The following FDCSP variants were observed in gnomAD, a reference collection of about 807,000 sequenced individuals.
FDCSP encodes the protein follicular dendritic cell secreted peptide.
Under a neutral mutation model 8.9 loss-of-function variants are expected in FDCSP, and 8 were observed. That is an observed-to-expected ratio of 0.90 (90% CI 0.53 to 1.63). The LOEUF is 1.63. Ranked by LOEUF, FDCSP falls within the 40% of genes most tolerant of loss-of-function variation. The pLI, the probability that FDCSP is intolerant of heterozygous loss-of-function variation, is 0.00. For missense variants in FDCSP, 101 were observed against 103.6 expected (o/e 0.98, Z 0.11); for synonymous variants, 34 against 34.5 (o/e 0.98, Z 0.06).
Position 70,235,139 on chromosome 4 carries a change from T to G in FDCSP, c.*83T>G, listed in dbSNP as rs1003927845. The G allele has an allele frequency of 6.6e-6, 1 of 151,786 alleles. No homozygotes were observed. Among genetic ancestry groups the G allele is most frequent in the Non-Finnish European group, 1.5e-5 (1 of 67,836 alleles). The allele number at this position is 151,786 out of a possible 1,614,324, so 9.4% of individuals were successfully genotyped here. On this transcript the variant is annotated 3_prime_UTR_variant, in exon 5 of 5. Coordinates refer to ENST00000317987, the MANE Select transcript of FDCSP (RefSeq NM_152997.4). Reference sequence around the variant, plus strand: ...CTTGAAGAATCAAAATTCCTGTTAATAAAAGAAAAACAAATGTAATTGAAA... The same window carrying G: ...CTTGAAGAATCAAAATTCCTGTTAAGAAAAGAAAAACAAATGTAATTGAAA...
chr4:70,234,450 G>A (rs1420098100), intron 4 of FDCSP, among the ~76,000 whole-genome samples: 1 of 151,552 alleles, frequency 6.6e-6, no homozygotes, highest in African/African-American at 2.4e-5. Context: ...TGATGTAACA[G>A]AAACAATTTC....
intron 3 of FDCSP, 115 bp downstream of exon 3, chr4:70,233,141 G>A (rs1459705337): frequency 1.1e-6 from 1 of 899,420 alleles, no homozygotes; most frequent in Non-Finnish European, 1.7e-6. Context: ...TTCATAAAGA[G>A]CTTTTGGTAT....
chr4:70,234,279 AG>A (rs1730137256), intron 4 of FDCSP, 64 bp downstream of exon 4: 1 of 1,359,082 alleles, frequency 7.4e-7, no homozygotes, highest in Non-Finnish European at 9.9e-7. Flanking sequence ...CATAATTTCA[AG>A]GAAAAAAAAA....
chr4:70,226,546 G>A (rs988813618), intron 1 of FDCSP, among the ~76,000 whole-genome samples: 4 of 151,706 alleles, frequency 2.6e-5, no homozygotes, highest in Non-Finnish European at 2.9e-5. Context: ...GAGGGAATAC[G>A]CCCCGCCAGA....
At chr4:70,230,888 A>G (rs1039686474) in intron 1 of FDCSP, among the ~76,000 whole-genome samples, 1 of 151,752 alleles carries the variant, frequency 6.6e-6, no homozygotes, top group African/African-American at 2.4e-5. Context: ...TCAGGGATAC[A>G]TGTGTAGGTT....
intron 1 of FDCSP, among the ~76,000 whole-genome samples, chr4:70,228,212 T>C (rs1319858336): frequency 6.6e-6 from 1 of 151,868 alleles, no homozygotes; most frequent in Non-Finnish European, 1.5e-5. Context: ...TCATTTACTG[T>C]CATTTGAAAA....
intron 2 of FDCSP, among the ~76,000 whole-genome samples, chr4:70,231,864 G>A (rs767452211): frequency 5.3e-5 from 8 of 151,638 alleles, no homozygotes; most frequent in East Asian, 1.9e-4. Context: ...GAAAAGATGG[G>A]GAGGTGGAAA....
In FDCSP at chr4:70,228,180, T is replaced by A. The variant is rs1730020846; in HGVS notation, c.-1+1998T>A. Among the ~76,000 whole-genome samples the A allele has an allele frequency of 3.9e-5, 6 of 151,958 alleles. No individual in the cohort carries two copies. In the South Asian group the frequency reaches 1.2e-3, roughly 32 times the overall value. ...CAAACCCTGCCACTGCTTTATCAAT[T>A]AAGTTTATGTAGTATTTTAAATCAT... On this transcript the variant is annotated intron_variant, in intron 1 of 4. Coordinates refer to ENST00000317987, the MANE Select transcript of FDCSP (RefSeq NM_152997.4).
intron 3 of FDCSP, 28 bp from the exon 4 acceptor site, chr4:70,233,992 A>G (rs537661564): frequency 6.4e-7 from 1 of 1,560,378 alleles, no homozygotes; most frequent in Non-Finnish European, 8.6e-7. Context: ...AAAGTGAAAT[A>G]AACCCTTTAA....
At chr4:70,234,914 T>C (rs2109687750) in intron 4 of FDCSP, among the ~76,000 whole-genome samples, 171 bp from the exon 5 acceptor site, 1 of 151,596 alleles carries the variant, frequency 6.6e-6, no homozygotes, top group Non-Finnish European at 1.5e-5. Context: ...CAGCTACTAC[T>C]TACCACTAAA....
intron 4 of FDCSP, among the ~76,000 whole-genome samples, chr4:70,234,842 T>C (rs1021295049): frequency 6.6e-6 from 1 of 150,532 alleles, no homozygotes; most frequent in South Asian, 2.1e-4. Context: ...TTAATATATA[T>C]AATTTAATCT....
rs576211510 is a variant in FDCSP, at chr4:70,233,012, C to T, written c.76C>T (p.Arg26Ter). The T allele has an allele frequency of 1.6e-5, 26 of 1,591,500 alleles. No homozygotes were observed. The highest frequency in any genetic ancestry group is 8.1e-5 in the South Asian group (7 of 86,416). ...VGFPVSQDQE[R>*]EKRSISDSDE... is the part of the protein sequence containing the mutation. The stretch of plus-strand genomic sequence containing the variant: ...TCTTTAGGTCTCTCAAGACCAGGAA[C>T]GAGAAAAAAGAAGTGTAAGTTACCT... Residue 26 changes from arginine (R) to a stop codon, truncating the protein, a stop_gained, in exon 3 of 5, where the codon CGA (arginine) becomes TGA (stop). Transcript: ENST00000317987. LOFTEE classifies it high-confidence loss of function.
At chr4:70,231,036 C>A (rs1730070283) in intron 1 of FDCSP, among the ~76,000 whole-genome samples, 159 bp from the exon 2 acceptor site, 1 of 151,568 alleles carries the variant, frequency 6.6e-6, no homozygotes, top group African/African-American at 2.4e-5. Context: ...AGATTGATTC[C>A]CTAAGATTGT....
chr4:70,228,539 T>C (rs1460187341), intron 1 of FDCSP, among the ~76,000 whole-genome samples: 1 of 151,816 alleles, frequency 6.6e-6, no homozygotes, highest in Non-Finnish European at 1.5e-5. Context: ...TCTGGAGTGG[T>C]GTATATTTTA....
intron 1 of FDCSP, among the ~76,000 whole-genome samples, chr4:70,228,550 C>G (rs1219749664): frequency 6.6e-6 from 1 of 151,754 alleles, no homozygotes; most frequent in East Asian, 1.9e-4. Context: ...GTATATTTTA[C>G]AGAAGGTTTT....
intron 4 of FDCSP, 66 bp downstream of exon 4, chr4:70,234,281 G>T: frequency 7.6e-7 from 1 of 1,319,348 alleles, no homozygotes. Flanking sequence ...TAATTTCAAG[G>T]AAAAAAAAAT....
In FDCSP at chr4:70,234,233, C is replaced by A; in HGVS notation, c.*28+18C>A. ...TAAACCTGGTAAGTACACATAGTTA[C>A]AATCATAGTTTATTTTAAGTTTGCA... On this transcript the variant is annotated intron_variant, in intron 4 of 4. Coordinates refer to ENST00000317987, the MANE Select transcript of FDCSP (RefSeq NM_152997.4). 6.7e-7 allele frequency: 1 copy of A among 1,486,468 alleles called. No individual in the cohort carries two copies. Among genetic ancestry groups the A allele is most frequent in the Non-Finnish European group, 9.0e-7 (1 of 1,108,544 alleles). 92.1% of individuals were successfully genotyped at this position (1,486,468 alleles called of 1,614,324 possible).
rs1310443443 is a variant in FDCSP at position 70,231,206 on chromosome 4, TCTC to T, written c.18_20del (p.Leu7del). On this transcript the variant is annotated inframe_deletion, in exon 2 of 5. Transcript: ENST00000317987. ...ACTCCATTTTGCAGATGAAGAAAGT[TCTC>T]CTCCTGATCACAGCCATCTTGGCAG... 10 of 1,597,864 alleles carry T rather than the reference TCTC, an allele frequency of 6.3e-6. No individual in the cohort carries two copies. The East Asian group carries it at 9.1e-5, about 15-fold the overall frequency.
chr4:70,229,120 T>C (rs1471231920), intron 1 of FDCSP, among the ~76,000 whole-genome samples: 1 of 151,756 alleles, frequency 6.6e-6, no homozygotes, highest in African/African-American at 2.4e-5. Context: ...TTATTTATTG[T>C]AGTGTTCTTA....
Sources: allele counts gnomAD v4.1 joint callset (sites outside exome capture counted in the v4.1 genomes callset), GRCh38; gene constraint gnomAD v4.1.1; transcripts MANE v1.5; gene names NCBI Gene and HGNC (gene_info 2026-07-23, HGNC 2026-07-21).